Variants in CPN1 observed in about 807,000 individuals in gnomAD.
CPN1 encodes carboxypeptidase N catalytic chain.
CPN1 carries 37 observed loss-of-function variants against 46.4 expected under a neutral mutation model. The ratio of observed to expected loss-of-function variants is 0.80; its 90% CI spans 0.61 to 1.05. The LOEUF is 1.05. CPN1 is among the 50% of genes least tolerant of loss of function. The pLI is 0.00. For synonymous variants in CPN1, 224 were observed against 235.4 expected (o/e 0.95, Z 0.44); for missense variants, 563 against 602.6 (o/e 0.93, Z 0.69).
intron 8 of CPN1, among the ~76,000 whole-genome samples, chr10:100,046,526 A>T (rs1460092972): frequency 6.6e-6 from 1 of 152,186 alleles, no homozygotes; most frequent in Non-Finnish European, 1.5e-5. Context: ...TAATCTCAGC[A>T]CTTTGGGAGG....
chr10:100,065,423 A>C, intron 3 of CPN1, 53 bp from the exon 4 acceptor site: 1 of 1,601,416 alleles, frequency 6.2e-7, no homozygotes, highest in Non-Finnish European at 8.5e-7. Context: ...CTACCAAACA[A>C]ACGGCGGTTA....
At chr10:100,060,686 C>T (rs1008273134) in intron 5 of CPN1, among the ~76,000 whole-genome samples, 1 of 152,192 alleles carries the variant, frequency 6.6e-6, no homozygotes, top group African/African-American at 2.4e-5. Flanking sequence ...TAAATTGGCT[C>T]TCTCCAAATA....
chr10:100,081,483 A>C lies in CPN1; in HGVS notation c.143T>G (p.Val48Gly). The change falls in exon 1 of 9, where the codon GTC becomes GGC. Residue 48 changes from valine (V) to glycine (G), a missense_variant. Transcript: ENST00000370418. Reference sequence around the variant, plus strand: ...CTCCACGCTGCGCCCAATGCTGTAGACCCGCGTGATGCCGGGGCATTCGTT... The same window carrying C: ...CTCCACGCTGCGCCCAATGCTGTAGCCCCGCGTGATGCCGGGGCATTCGTT... ...VQNECPGITR[V>G]YSIGRSVEGR... 1.2e-6 allele frequency: 2 copies of C among 1,614,052 alleles called. No individual in the cohort carries two copies. The highest frequency in any genetic ancestry group is 1.7e-6 in the Non-Finnish European group (2 of 1,180,026).
At chr10:100,077,974 C>T (rs1366201127) in intron 1 of CPN1, among the ~76,000 whole-genome samples, 6 of 152,142 alleles carry the variant, frequency 3.9e-5, no homozygotes, top group Admixed American at 1.3e-4. Flanking sequence ...CCCTGTAGAA[C>T]TTTGGACAGT....
intron 3 of CPN1, among the ~76,000 whole-genome samples, chr10:100,065,792 T>C (rs550578012): frequency 6.9e-6 from 1 of 144,640 alleles, no homozygotes; most frequent in African/African-American, 2.5e-5. Context: ...CTGACTGTGA[T>C]AAACACACCC....
At chr10:100,057,592 A>T (rs1391962402) in intron 5 of CPN1, among the ~76,000 whole-genome samples, 1 of 151,888 alleles carries the variant, frequency 6.6e-6, no homozygotes, top group East Asian at 1.9e-4. Flanking sequence ...GTAAGGGGGG[A>T]AATAGGATGA....
At chr10:100,062,935 C>T (rs61871697) in intron 5 of CPN1, among the ~76,000 whole-genome samples, 3,409 of 151,840 alleles carry the variant, frequency 0.022, 54 homozygotes, top group Non-Finnish European at 0.036. Context: ...GAAACCAAAG[C>T]ACAGAGAGAA....
In CPN1 at chr10:100,065,080, C is replaced by G. The variant is rs181683115; in HGVS notation, c.759+108G>C. 6.8e-5 allele frequency: 91 copies of G among 1,341,422 alleles called. No individual in the cohort carries two copies. The African/African-American group carries it at 9.3e-4, about 14-fold the overall frequency. The allele number at this position is 1,341,422 out of a possible 1,614,324, so 83.1% of individuals were successfully genotyped here. A position where few individuals can be genotyped will look rare whatever the true frequency, so the allele number is the denominator to read the frequency against. Reference sequence around the variant, plus strand: ...GCTCCTCACAAACAAGCGGTATTTTCAATTATTTTCTGTGGCCTCGCACTG... The same window carrying G: ...GCTCCTCACAAACAAGCGGTATTTTGAATTATTTTCTGTGGCCTCGCACTG... On this transcript the variant is annotated intron_variant, in intron 4 of 8. Transcript: ENST00000370418.
intron 3 of CPN1, 31 bp downstream of exon 3, chr10:100,069,683 A>G (rs2041473332): frequency 1.2e-6 from 2 of 1,613,704 alleles, no homozygotes; most frequent in Non-Finnish European, 1.7e-6. Context: ...ATGCTGATTT[A>G]CCTGCTTTGT....
At chr10:100,074,034 T>TCC (rs145901066) in intron 2 of CPN1, among the ~76,000 whole-genome samples, 177 of 150,290 alleles carry the variant, frequency 1.2e-3, no homozygotes, top group Admixed American at 4.6e-3. Context: ...CTGGGCCCCA[T>TCC]CCCCCCCCCA....
Position 100,055,655 on chromosome 10 carries a change from G to T in CPN1, c.1012-1209C>A, listed in dbSNP as rs559608673. The stretch of plus-strand genomic sequence containing the variant: ...TTCTCCTGCCTCAGCCTCTCAAGTA[G>T]CTGGGATTACAGGCATGCGCCACCA... On this transcript the variant is annotated intron_variant, in intron 6 of 8. Coordinates refer to ENST00000370418, the MANE Select transcript of CPN1 (RefSeq NM_001308.3). 1.2e-4 allele frequency among the ~76,000 whole-genome samples: 19 copies of T among 152,250 alleles called. No homozygotes were observed. In the South Asian group the frequency reaches 3.7e-3, roughly 30 times the overall value.
At chr10:100,060,096 A>G (rs1467154685) in intron 5 of CPN1, among the ~76,000 whole-genome samples, 1 of 152,152 alleles carries the variant, frequency 6.6e-6, no homozygotes, top group African/African-American at 2.4e-5. Flanking sequence ...GGTAAGGGGA[A>G]ATGGAGAGTT....
chr10:100,074,694 GGCATGA>G (rs750909669), intron 2 of CPN1, among the ~76,000 whole-genome samples: 72 of 152,210 alleles, frequency 4.7e-4, no homozygotes, highest in Non-Finnish European at 9.0e-4. Flanking sequence ...TGGGATTACA[GGCATGA>G]GCCACCACGC....
chr10:100,053,313 A>T (rs1247720465), intron 7 of CPN1, among the ~76,000 whole-genome samples: 2 of 152,198 alleles, frequency 1.3e-5, no homozygotes, highest in African/African-American at 2.4e-5. Context: ...ATGTTAGTGT[A>T]GTAAAATTCA....
chr10:100,080,199 G>A (rs1388780873), intron 1 of CPN1, among the ~76,000 whole-genome samples: 1 of 152,152 alleles, frequency 6.6e-6, no homozygotes, highest in Non-Finnish European at 1.5e-5. Flanking sequence ...GAGGTAAAGG[G>A]AGATTTGAAG....
chr10:100,044,736 A>G (rs1589468696), intron 8 of CPN1, among the ~76,000 whole-genome samples: 1 of 131,886 alleles, frequency 7.6e-6, no homozygotes, highest in Non-Finnish European at 1.6e-5. Flanking sequence ...TTTGAGATGG[A>G]GTCTTGCTCT....
chr10:100,073,236 G>C (rs1479789516), intron 2 of CPN1, among the ~76,000 whole-genome samples: 2 of 152,018 alleles, frequency 1.3e-5, no homozygotes, highest in Non-Finnish European at 2.9e-5. Flanking sequence ...CTTTCATTTT[G>C]GTGTACACTT....
chr10:100,042,692 G>C, intron 8 of CPN1, 119 bp from the exon 9 acceptor site: 1 of 1,277,794 alleles, frequency 7.8e-7, no homozygotes, highest in Non-Finnish European at 1.1e-6. Flanking sequence ...AGAAGCACTG[G>C]TGGTGTCATA....
chr10:100,052,305 A>G (rs1589471508), intron 7 of CPN1, among the ~76,000 whole-genome samples: 1 of 152,036 alleles, frequency 6.6e-6, no homozygotes, highest in African/African-American at 2.4e-5. Flanking sequence ...TCCTGAGCTC[A>G]GGCAATCCCC....
Sources: allele counts gnomAD v4.1 joint callset (sites outside exome capture counted in the v4.1 genomes callset), GRCh38; gene constraint gnomAD v4.1.1; transcripts MANE v1.5; gene names NCBI Gene and HGNC (gene_info 2026-07-23, HGNC 2026-07-21).